Variants in AREL1 observed in about 807,000 individuals in gnomAD.
The protein encoded by AREL1 is apoptosis-resistant E3 ubiquitin protein ligase 1.
AREL1 carries 62 observed loss-of-function variants against 99.0 expected under a neutral mutation model. The ratio of observed to expected loss-of-function variants is 0.63; its 90% CI spans 0.51 to 0.77. The LOEUF is 0.77. Among genes scored for constraint, AREL1 ranks in the 30% least tolerant of loss-of-function variants. The pLI is 0.00. For missense variants in AREL1, 879 were observed against 1,027.6 expected, an observed-to-expected ratio of 0.86 and a Z score of 1.98; for synonymous variants, 380 against 376.5, an observed-to-expected ratio of 1.01 and a Z score of -0.11.
intron 1 of AREL1, among the ~76,000 whole-genome samples, chr14:74,704,636 A>C (rs1005111476): frequency 1.3e-5 from 2 of 151,886 alleles, no homozygotes; most frequent in Non-Finnish European, 2.9e-5. Flanking sequence ...CCCAAGACTT[A>C]TTTTCCTTTC....
Position 74,661,395 on chromosome 14 carries a change from T to C in AREL1, c.*2325A>G. ...TTCCAGAAACATGCTGACACTCTCCTAGGTATTCACTCATGTCTGGTCTCC... is the reference window on the plus strand; with the variant it reads ...TTCCAGAAACATGCTGACACTCTCCCAGGTATTCACTCATGTCTGGTCTCC... On this transcript the variant is annotated 3_prime_UTR_variant, in exon 20 of 20. Coordinates refer to ENST00000356357, the MANE Select transcript of AREL1 (RefSeq NM_001039479.2). 1 of 453,864 alleles carries C rather than the reference T, an allele frequency of 2.2e-6. No individual in the cohort carries two copies. Among genetic ancestry groups the C allele is most frequent in the Non-Finnish European group, 4.4e-6 (1 of 225,500 alleles). 28.1% of individuals were successfully genotyped at this position (453,864 alleles called of 1,614,324 possible).
intron 1 of AREL1, chr14:74,698,736 T>C (rs1453676836): frequency 5.8e-6 from 1 of 173,204 alleles, no homozygotes; most frequent in South Asian, 9.6e-5. Flanking sequence ...TAAGAATGAG[T>C]AAGCAGGCTG....
chr14:74,670,778 T>C lies in AREL1; in HGVS notation c.1592A>G (p.Asp531Gly), dbSNP rs888312310. The change falls in exon 13 of 20, where the codon GAC becomes GGC. Residue 531 changes from aspartate (D) to glycine (G), a missense_variant. Coordinates refer to ENST00000356357, the MANE Select transcript of AREL1 (RefSeq NM_001039479.2). ...CCAACTCACTAATGCTTGGTTGTTGTCACTGAACCGGGTGAAGAGCTGATT... is the reference window on the plus strand; with the variant it reads ...CCAACTCACTAATGCTTGGTTGTTGCCACTGAACCGGGTGAAGAGCTGATT... The part of the protein sequence containing the change: ...TTNQLFTRFS[D>G]NNQALVHPNP... 3 of 1,613,980 alleles carry C rather than the reference T, an allele frequency of 1.9e-6. No homozygotes were observed. Among genetic ancestry groups the C allele is most frequent in the Non-Finnish European group, 2.5e-6 (3 of 1,179,974 alleles).
chr14:74,688,710 C>T (rs1184793422), intron 2 of AREL1, among the ~76,000 whole-genome samples: 3 of 152,174 alleles, frequency 2.0e-5, no homozygotes, highest in Non-Finnish European at 4.4e-5. Flanking sequence ...CACTCCCCAC[C>T]CCCATAGTAT....
rs758116485 is a variant in AREL1 at position 74,664,957 on chromosome 14, A to T, written c.2104-32T>A. Reference sequence around the variant, plus strand: ...AAAGATGGTAAGGTGTTACTATGACAGTCAGAGAGACAAAGACCCAATATA... The same window carrying T: ...AAAGATGGTAAGGTGTTACTATGACTGTCAGAGAGACAAAGACCCAATATA... On this transcript the variant is annotated intron_variant, in intron 17 of 19. Transcript: ENST00000356357. 7 of 1,584,532 alleles carry T rather than the reference A, an allele frequency of 4.4e-6. No homozygotes were observed. In the South Asian group the frequency reaches 7.8e-5, roughly 18 times the overall value.
intron 17 of AREL1, 25 bp downstream of exon 17, chr14:74,667,294 G>T: frequency 6.2e-7 from 1 of 1,613,838 alleles, no homozygotes; most frequent in South Asian, 1.1e-5. Context: ...AGTTAAGAAT[G>T]GGAGTCTGAA....
rs982057075 is a variant in AREL1 at position 74,662,185 on chromosome 14, C to T, written c.*1535G>A. Reference sequence around the variant, plus strand: ...GCCAAGAAAGGACAAATGATGACTGCGAAAGACTGAGGTCAGGCAGGAACT... The same window carrying T: ...GCCAAGAAAGGACAAATGATGACTGTGAAAGACTGAGGTCAGGCAGGAACT... On this transcript the variant is annotated 3_prime_UTR_variant, in exon 20 of 20. Transcript: ENST00000356357. The T allele has an allele frequency of 1.7e-4, 28 of 166,906 alleles. No individual in the cohort carries two copies. Among genetic ancestry groups the T allele is most frequent in the African/African-American group, 6.4e-4 (27 of 42,034 alleles). 10.3% of individuals were successfully genotyped at this position (166,906 alleles called of 1,614,324 possible). A position where few individuals can be genotyped will look rare whatever the true frequency, so the allele number is the denominator to read the frequency against.
intron 5 of AREL1, among the ~76,000 whole-genome samples, chr14:74,678,713 AAAG>A (rs2089553721): frequency 6.6e-6 from 1 of 151,550 alleles, no homozygotes. Flanking sequence ...AAAAAAAAAA[AAAG>A]AGGACCTTGA....
intron 5 of AREL1, among the ~76,000 whole-genome samples, chr14:74,680,314 G>A (rs189180152): frequency 7.9e-5 from 12 of 152,278 alleles, no homozygotes; most frequent in African/African-American, 2.9e-4. Flanking sequence ...ATGTTCAATA[G>A]CATTAACTAT....
intron 1 of AREL1, among the ~76,000 whole-genome samples, chr14:74,700,685 C>T (rs1429331220): frequency 6.6e-6 from 1 of 152,124 alleles, no homozygotes; most frequent in Non-Finnish European, 1.5e-5. Flanking sequence ...GAAGCTGAGG[C>T]AGGAGAATTG....
At position 74,665,983 on chromosome 14, in the gene AREL1, C is replaced by T. The variant is rs74357502; in HGVS notation, c.2104-1058G>A. On this transcript the variant is annotated intron_variant, in intron 17 of 19. Coordinates refer to ENST00000356357, the MANE Select transcript of AREL1 (RefSeq NM_001039479.2). ...ACAAATGCTTTGCTTCAAAATGTAA[C>T]AAAATTTACCAGTAGTTATTCCTCA... Among the ~76,000 whole-genome samples, 706 of 152,286 alleles carry T rather than the reference C, an allele frequency of 4.6e-3. 5 individuals are homozygous for T. The highest frequency in any genetic ancestry group is 0.015 in the African/African-American group (628 of 41,564).
At chr14:74,687,115 C>T (rs17183132) in intron 2 of AREL1, among the ~76,000 whole-genome samples, 4 of 152,036 alleles carry the variant, frequency 2.6e-5, no homozygotes, top group Non-Finnish European at 4.4e-5. Flanking sequence ...ACTTCCTCAG[C>T]GGGATGCCAT....
intron 11 of AREL1, 21 bp downstream of exon 11, chr14:74,672,810 C>G: frequency 1.9e-6 from 3 of 1,613,836 alleles, no homozygotes; most frequent in East Asian, 2.2e-5. Flanking sequence ...TATCTGCTGA[C>G]AGAGATGAAA....
intron 8 of AREL1, among the ~76,000 whole-genome samples, chr14:74,674,603 AAAAAT>A (rs2089429977): frequency 6.6e-6 from 1 of 152,224 alleles, no homozygotes; most frequent in Admixed American, 6.5e-5. Flanking sequence ...CCCTGTCTCA[AAAAAT>A]AAAATAAATA....
At position 74,683,356 on chromosome 14, in the gene AREL1, T is replaced by A. The variant is rs947296959; in HGVS notation, c.421A>T (p.Thr141Ser). 6.2e-7 allele frequency: 1 copy of A among 1,614,032 alleles called. No individual in the cohort carries two copies. ...TVRKAGRYEI[T>S]VKLGGLNVAY... is the part of the protein sequence containing the mutation. Reference sequence around the variant, plus strand: ...ACATTTAATCCACCAAGCTTCACTGTGATTTCATAACGCCCAGCCTTGCGC... The same window carrying A: ...ACATTTAATCCACCAAGCTTCACTGAGATTTCATAACGCCCAGCCTTGCGC... Residue 141 changes from threonine (T) to serine (S), a missense_variant, in exon 5 of 20, where the codon ACA (threonine) becomes TCA (serine). Transcript: ENST00000356357.
chr14:74,683,656 C>T (rs187522875), intron 4 of AREL1, 123 bp from the exon 5 acceptor site: 27 of 792,714 alleles, frequency 3.4e-5, no homozygotes, highest in East Asian at 9.9e-5. Flanking sequence ...CAGTACCTAC[C>T]CTGTTCCTCA....
intron 1 of AREL1, among the ~76,000 whole-genome samples, chr14:74,701,044 A>T (rs1441734780): frequency 1.3e-5 from 2 of 152,156 alleles, no homozygotes; most frequent in Non-Finnish European, 2.9e-5. Context: ...GACCCTCATT[A>T]GTCACATTGG....
chr14:74,692,341 G>A lies in AREL1; in HGVS notation c.-333-13C>T. 1 of 412,736 alleles carries A rather than the reference G, an allele frequency of 2.4e-6. No homozygotes were observed. The highest frequency in any genetic ancestry group is 1.7e-5 in the South Asian group (1 of 57,402). The allele number at this position is 412,736 out of a possible 1,614,324, so 25.6% of individuals were successfully genotyped here. On this transcript the variant is annotated splice_polypyrimidine_tract_variant and intron_variant, in intron 1 of 19. Coordinates refer to ENST00000356357, the MANE Select transcript of AREL1 (RefSeq NM_001039479.2). ...ACGCCCCAGGATCCTGTCCAAAAAA[G>A]AAAACAGGGTTAGTTGGAATAGGTT...
In AREL1 at chr14:74,667,520, C is replaced by A. The variant is rs778115322; in HGVS notation, c.1989G>T (p.Leu663=). The change falls in exon 16 of 20, where the codon CTG becomes CTT. Residue 663 remains leucine, a synonymous_variant. Coordinates refer to ENST00000356357, the MANE Select transcript of AREL1 (RefSeq NM_001039479.2). ...NANKIFYLNL[L]AQYRLASQVK... is the part of the protein sequence containing the mutation. ...CTTGACTGGCCAGCCGATATTGGGCCAGCAAATTTAAATAGAAGATTTTAT... is the reference window on the plus strand; with the variant it reads ...CTTGACTGGCCAGCCGATATTGGGCAAGCAAATTTAAATAGAAGATTTTAT... 1.9e-6 allele frequency: 3 copies of A among 1,613,886 alleles called. No homozygotes were observed. In the East Asian group the frequency reaches 6.7e-5, roughly 36 times the overall value.
Sources: gnomAD v4.1 joint callset for allele counts (sites outside exome capture counted in the v4.1 genomes callset) on GRCh38, gnomAD v4.1.1 for gene constraint, MANE v1.5 for transcripts, NCBI Gene and HGNC (gene_info 2026-07-23, HGNC 2026-07-21) for gene names.